PPFIBP2: variants seen among roughly 807,000 people sequenced by gnomAD.
The protein encoded by PPFIBP2 is PPFIB scaffold protein 2, also known as liprin-beta-2.
PPFIBP2 carries 118 observed loss-of-function variants against 118.3 expected under a neutral mutation model. The observed-to-expected ratio is 1.00, with a 90% CI of 0.86 to 1.16. PPFIBP2 has a LOEUF of 1.16. Among genes scored for constraint, PPFIBP2 ranks in the 50% most tolerant of loss-of-function variants. PPFIBP2 has a pLI of 0.00. For missense variants in PPFIBP2, 1,195 were observed against 1,073.1 expected (o/e 1.11, Z -1.59); for synonymous variants, 414 against 397.4 (o/e 1.04, Z -0.50).
chr11:7,625,891 G>C lies in PPFIBP2; in HGVS notation c.826G>C (p.Asp276His), dbSNP rs770727388. The C allele has an allele frequency of 4.3e-6, 7 of 1,612,890 alleles. No homozygotes were observed. The highest frequency in any genetic ancestry group is 3.4e-6 in the Non-Finnish European group (4 of 1,178,998). The change falls in exon 8 of 24, where the codon GAC (aspartate) becomes CAC (histidine). Residue 276 changes from aspartate to histidine, a missense_variant and splice_region_variant. Coordinates refer to ENST00000299492, the MANE Select transcript of PPFIBP2 (RefSeq NM_003621.5). Reference sequence around the variant, plus strand: ...CCACAGTGAGAGTCACACAGAGAGAGGTGACTAGCTTGACTCTGACAAAAT... The same window carrying C: ...CCACAGTGAGAGTCACACAGAGAGACGTGACTAGCTTGACTCTGACAAAAT... ...ALHSESHTER[D>H]QEIQRLKMGM... is the part of the protein sequence containing the mutation.
At chr11:7,569,683 A>G (rs988717547) in intron 3 of PPFIBP2, among the ~76,000 whole-genome samples, 5 of 152,216 alleles carry the variant, frequency 3.3e-5, no homozygotes, top group Non-Finnish European at 4.4e-5. Context: ...GTGGTGCAGC[A>G]GAGCAGTGTT....
chr11:7,586,916 G>C (rs73411170), intron 3 of PPFIBP2, among the ~76,000 whole-genome samples: 1,930 of 152,228 alleles, frequency 0.013, 36 homozygotes, highest in African/African-American at 0.045. Context: ...TTAAACAGTT[G>C]TTAGATCTAT....
chr11:7,624,129 T>C (rs1004222257), intron 7 of PPFIBP2, among the ~76,000 whole-genome samples: 11 of 152,196 alleles, frequency 7.2e-5, no homozygotes, highest in African/African-American at 2.4e-4. Context: ...ACCCTTGCGG[T>C]GGGCTGAGGG....
chr11:7,560,899 C>T (rs1323690981), intron 2 of PPFIBP2, among the ~76,000 whole-genome samples: 1 of 152,150 alleles, frequency 6.6e-6, no homozygotes, highest in Non-Finnish European at 1.5e-5. Context: ...CATTTTCTTT[C>T]CATATTTTTA....
chr11:7,566,077 G>C (rs1181352228), intron 3 of PPFIBP2, among the ~76,000 whole-genome samples: 1 of 151,822 alleles, frequency 6.6e-6, no homozygotes, highest in Non-Finnish European at 1.5e-5. Flanking sequence ...TACATGTACT[G>C]CTTATTGAGT....
chr11:7,623,255 A>C (rs1849575480), intron 7 of PPFIBP2, among the ~76,000 whole-genome samples: 1 of 152,190 alleles, frequency 6.6e-6, no homozygotes, highest in African/African-American at 2.4e-5. Flanking sequence ...GTGCAATGGC[A>C]GTAGGGCATG....
chr11:7,620,956 C>T lies in PPFIBP2; in HGVS notation c.640C>T (p.His214Tyr), dbSNP rs371984331. The T allele has an allele frequency of 1.9e-6, 3 of 1,611,756 alleles. No individual in the cohort carries two copies. In the East Asian group the frequency reaches 6.7e-5, roughly 36 times the overall value. The change falls in exon 7 of 24, where the codon CAC becomes TAC. Residue 214 changes from histidine (H) to tyrosine (Y), a missense_variant. Transcript: ENST00000299492. ...KAEELLQELR[H>Y]LKIKVEELEN... ...CTAGGAGTTACTGCAAGAGCTCAGG[C>T]ACCTCAAAATCAAAGTGGAAGAGTT...
At chr11:7,590,318 G>C (rs536869415) in intron 3 of PPFIBP2, among the ~76,000 whole-genome samples, 1 of 152,144 alleles carries the variant, frequency 6.6e-6, no homozygotes, top group Non-Finnish European at 1.5e-5. Flanking sequence ...TGATACTGTG[G>C]GTTTCCATCT....
intron 18 of PPFIBP2, 31 bp downstream of exon 18, chr11:7,648,568 C>T (rs761615141): frequency 5.6e-6 from 9 of 1,609,516 alleles, no homozygotes; most frequent in South Asian, 1.1e-5. Context: ...GAGGAGGCTC[C>T]CATTTCTCCC....
the PPFIBP2 span, among the ~76,000 whole-genome samples, chr11:7,663,917 G>C: frequency 6.6e-6 from 1 of 152,128 alleles, no homozygotes; most frequent in Non-Finnish European, 1.5e-5. Context: ...TTTTCCAGGT[G>C]CGTCCGTCAC....
the PPFIBP2 span, chr11:7,666,779 G>C: frequency 2.4e-6 from 1 of 420,304 alleles, no homozygotes; most frequent in Non-Finnish European, 4.4e-6. Context: ...TGGGATGTAG[G>C]TTCCCATGGA....
At position 7,564,802 on chromosome 11, in the gene PPFIBP2, G is replaced by A. The variant is rs908845324; in HGVS notation, c.65-751G>A. ...GGTAACTGGGCTTTGTTACATGGCA[G>A]TTTAGGGTCAAAGAGAGAAAGAGTG... On this transcript the variant is annotated intron_variant, in intron 2 of 23. Coordinates refer to ENST00000299492, the MANE Select transcript of PPFIBP2 (RefSeq NM_003621.5). Among the ~76,000 whole-genome samples the A allele has an allele frequency of 6.6e-5, 10 of 152,348 alleles. No individual in the cohort carries two copies. In the South Asian group the frequency reaches 1.7e-3, roughly 25 times the overall value.
At chr11:7,641,457 C>T in intron 15 of PPFIBP2, 22 bp from the exon 16 acceptor site, 1 of 1,613,120 alleles carries the variant, frequency 6.2e-7, no homozygotes, top group Non-Finnish European at 8.5e-7. Flanking sequence ...CATTCACATT[C>T]ATTGCCTTCT....
intron 2 of PPFIBP2, among the ~76,000 whole-genome samples, chr11:7,563,462 C>T (rs1276738167): frequency 6.6e-6 from 1 of 152,152 alleles, no homozygotes; most frequent in Non-Finnish European, 1.5e-5. Context: ...GGATGGTGAT[C>T]CATGATTCCC....
In PPFIBP2 at chr11:7,631,015, T is replaced by A. The variant is rs1173922486; in HGVS notation, c.1055T>A (p.Leu352Ter). Residue 352 changes from leucine to a stop codon, truncating the protein, a stop_gained, in exon 11 of 24, where the codon TTA becomes TAA. Coordinates refer to ENST00000299492, the MANE Select transcript of PPFIBP2 (RefSeq NM_003621.5). LOFTEE classifies it high-confidence loss of function. ...GCTACAAATAAGGACCCTGAAGAAT[T>A]ATTTAAACAAGAGGTACTGTGTTTC... ...WNATNKDPEE[L>*]FKQEMPPRCS... is the part of the protein sequence containing the mutation. 1.9e-6 allele frequency: 3 copies of A among 1,612,988 alleles called. No individual in the cohort carries two copies.
At chr11:7,614,873 T>TA (rs1302899037) in intron 6 of PPFIBP2, among the ~76,000 whole-genome samples, 1 of 152,130 alleles carries the variant, frequency 6.6e-6, no homozygotes, top group Non-Finnish European at 1.5e-5. Flanking sequence ...AAAGTGTGAT[T>TA]AAAAAACAAA....
At chr11:7,599,686 G>A (rs992323949) in intron 5 of PPFIBP2, among the ~76,000 whole-genome samples, 8 of 149,292 alleles carry the variant, frequency 5.4e-5, no homozygotes, top group African/African-American at 2.0e-4. Context: ...GCTGGAGTGC[G>A]GTGGCGCGAT....
chr11:7,572,323 T>G (rs1855742560), intron 3 of PPFIBP2, among the ~76,000 whole-genome samples: 5 of 152,188 alleles, frequency 3.3e-5, no homozygotes, highest in African/African-American at 1.2e-4. Flanking sequence ...CAGCCAAGAC[T>G]GGGGGCCTTC....
chr11:7,665,468 A>C, the PPFIBP2 span: 7 of 1,613,836 alleles, frequency 4.3e-6, no homozygotes, highest in Non-Finnish European at 5.9e-6. Flanking sequence ...ACACACCAGG[A>C]TGAGCGTGGA....
Sources: gnomAD v4.1 joint callset for allele counts (sites outside exome capture counted in the v4.1 genomes callset) on GRCh38, gnomAD v4.1.1 for gene constraint, MANE v1.5 for transcripts, NCBI Gene and HGNC (gene_info 2026-07-23, HGNC 2026-07-21) for gene names.